Variants in DNLZ observed in about 807,000 individuals in gnomAD.
DNLZ encodes the protein DNL-type zinc finger, also known as DNL-type zinc finger protein.
A neutral mutation model predicts 7.8 loss-of-function variants in DNLZ; 15 were observed. That is an observed-to-expected ratio of 1.91 (90% CI 1.28 to 2.95). The LOEUF is 2.95. DNLZ is among the 30% of genes most tolerant of loss of function. The pLI is 0.00. For missense variants in DNLZ, 255 were observed against 167.3 expected, an observed-to-expected ratio of 1.52 and a Z score of -2.89; for synonymous variants, 123 against 77.8, an observed-to-expected ratio of 1.58 and a Z score of -3.05.
chr9:136,362,873 G>A (rs1027002214), intron 2 of DNLZ, 116 bp downstream of exon 2: 12 of 893,656 alleles, frequency 1.3e-5, no homozygotes, highest in Middle Eastern at 2.2e-4. Context: ...TATTGATAAG[G>A]TGGCTGGATT....
chr9:136,362,845 A>C (rs1377350168), intron 2 of DNLZ, 144 bp downstream of exon 2: 11 of 690,118 alleles, frequency 1.6e-5, no homozygotes, highest in Non-Finnish European at 2.7e-5. Flanking sequence ...GGAAATTCTC[A>C]TTTAACTGTG....
rs900428375 is a variant in DNLZ at position 136,359,624 on chromosome 9, C to T, written c.*2388G>A. The T allele has an allele frequency of 4.6e-5, 7 of 152,320 alleles. No individual in the cohort carries two copies. Among genetic ancestry groups the T allele is most frequent in the Non-Finnish European group, 5.9e-5 (4 of 68,034 alleles). The allele number at this position is 152,320 out of a possible 1,614,324, so 9.4% of individuals were successfully genotyped here. On this transcript the variant is annotated 3_prime_UTR_variant, in exon 3 of 3. Coordinates refer to ENST00000371738, the MANE Select transcript of DNLZ (RefSeq NM_001080849.3). Reference sequence around the variant, plus strand: ...GAGTGTGGTCCGTATGGGCTTAGTCCCGGGTGGGGGCCTAACCCGGTAAGA... The same window carrying T: ...GAGTGTGGTCCGTATGGGCTTAGTCTCGGGTGGGGGCCTAACCCGGTAAGA...
chr9:136,360,992 GAC>G lies in DNLZ; in HGVS notation c.*1018_*1019del, dbSNP rs1354653905. ...GTGCCGGTGGCTCAGCCGAGAAGAG[GAC>G]AGTTTCCACAAATGGCACAGAAGGC... is the stretch of plus-strand genomic sequence containing the variant. On this transcript the variant is annotated 3_prime_UTR_variant, in exon 3 of 3. Coordinates refer to ENST00000371738, the MANE Select transcript of DNLZ (RefSeq NM_001080849.3). The G allele has an allele frequency of 3.9e-5, 6 of 152,252 alleles. No individual in the cohort carries two copies. The highest frequency in any genetic ancestry group is 1.4e-4 in the African/African-American group (6 of 41,444). 9.4% of individuals were successfully genotyped at this position (152,252 alleles called of 1,614,324 possible).
rs1230516629 is a variant in DNLZ, at chr9:136,361,401, G to C, written c.*611C>G. The C allele has an allele frequency of 1.3e-5, 2 of 152,332 alleles. No individual in the cohort carries two copies. Among genetic ancestry groups the C allele is most frequent in the Admixed American group, 1.3e-4 (2 of 15,288 alleles). 9.4% of individuals were successfully genotyped at this position (152,332 alleles called of 1,614,324 possible). A position where few individuals can be genotyped will look rare whatever the true frequency, so the allele number is the denominator to read the frequency against. On this transcript the variant is annotated 3_prime_UTR_variant, in exon 3 of 3. Coordinates refer to ENST00000371738, the MANE Select transcript of DNLZ (RefSeq NM_001080849.3). ...AACCCCACACACCTCGGAGGGCCCTGGGGACGTCCAGAGCGCTGTCCACCG... is the reference window on the plus strand; with the variant it reads ...AACCCCACACACCTCGGAGGGCCCTCGGGACGTCCAGAGCGCTGTCCACCG...
At chr9:136,363,387 A>G in intron 1 of DNLZ, 100 bp downstream of exon 1, 1 of 748,104 alleles carries the variant, frequency 1.3e-6, no homozygotes. Flanking sequence ...CTGTGACTTG[A>G]CCACGCCGCC....
chr9:136,362,078 G>A lies in DNLZ; in HGVS notation c.471C>T (p.Ser157=), dbSNP rs1832989532. Residue 157 remains serine (S), a synonymous_variant, in exon 3 of 3, where the codon TCC becomes TCT. Coordinates refer to ENST00000371738, the MANE Select transcript of DNLZ (RefSeq NM_001080849.3). ...CCTCACCCGCTTCCGGAGCTGCAGT[G>A]GATGTGGGGGCCCCTGCAGCCTCCA... is the stretch of plus-strand genomic sequence containing the variant. ...LVLEAAGAPT[S]TAAPEAGEDE... 5 of 1,452,840 alleles carry A rather than the reference G, an allele frequency of 3.4e-6. No individual in the cohort carries two copies. In the East Asian group the frequency reaches 8.2e-5, roughly 24 times the overall value. 90.0% of individuals were successfully genotyped at this position (1,452,840 alleles called of 1,614,324 possible). A position where few individuals can be genotyped will look rare whatever the true frequency, so the allele number is the denominator to read the frequency against.
At chr9:136,363,249 G>A (rs1480129290) in intron 1 of DNLZ, 121 bp from the exon 2 acceptor site, 4 of 1,203,004 alleles carry the variant, frequency 3.3e-6, no homozygotes, top group Admixed American at 2.1e-5. Flanking sequence ...CCGCCCCCGA[G>A]GGATAGCTCC....
chr9:136,362,178 T>C lies in DNLZ; in HGVS notation c.371A>G (p.Asn124Ser). ...TCTGGCCGTCAGGATCTCTTCGATA[T>C]TTCTGGGGGGCAGGGAGGCAACATG... Reference protein sequence around the residue: ...GWFSDLNGKRNIEEILTARGE... With the variant: ...GWFSDLNGKRSIEEILTARGE... Residue 124 changes from asparagine to serine, a missense_variant and splice_region_variant, in exon 3 of 3, where the codon AAT (asparagine) becomes AGT (serine). Coordinates refer to ENST00000371738, the MANE Select transcript of DNLZ (RefSeq NM_001080849.3). 2 of 1,486,536 alleles carry C rather than the reference T, an allele frequency of 1.3e-6. No homozygotes were observed. The highest frequency in any genetic ancestry group is 1.5e-5 in the African/African-American group (1 of 67,974). 92.1% of individuals were successfully genotyped at this position (1,486,536 alleles called of 1,614,324 possible). A position where few individuals can be genotyped will look rare whatever the true frequency, so the allele number is the denominator to read the frequency against.
At chr9:136,362,427 T>C (rs1832997283) in intron 2 of DNLZ, among the ~76,000 whole-genome samples, 1 of 152,164 alleles carries the variant, frequency 6.6e-6, no homozygotes, top group Non-Finnish European at 1.5e-5. Flanking sequence ...GAGGGAAGAA[T>C]CTGCAGCCCC....
At position 136,361,711 on chromosome 9, in the gene DNLZ, C is replaced by T. The variant is rs557997005; in HGVS notation, c.*301G>A. On this transcript the variant is annotated 3_prime_UTR_variant, in exon 3 of 3. Transcript: ENST00000371738. ...CAGCGACAGCCAGGAAGGGCTCTGACGCCACATCCAGCCCCCTTTCCACGC... is the reference window on the plus strand; with the variant it reads ...CAGCGACAGCCAGGAAGGGCTCTGATGCCACATCCAGCCCCCTTTCCACGC... 2.6e-5 allele frequency: 8 copies of T among 313,138 alleles called. No individual in the cohort carries two copies. In the South Asian group the frequency reaches 1.1e-3, roughly 44 times the overall value. The allele number at this position is 313,138 out of a possible 1,614,324, so 19.4% of individuals were successfully genotyped here. A position where few individuals can be genotyped will look rare whatever the true frequency, so the allele number is the denominator to read the frequency against.
chr9:136,362,016 C>G lies in DNLZ; in HGVS notation c.533G>C (p.Ser178Thr), dbSNP rs3812552. ...GPPSPGKTEP[S>T] ...CAGTGCCGGGGAGCGCAGGAGTCAGCTCGGCTCCGTCTTGCCAGGGCTGGG... is the reference window on the plus strand; with the variant it reads ...CAGTGCCGGGGAGCGCAGGAGTCAGGTCGGCTCCGTCTTGCCAGGGCTGGG... Residue 178 changes from serine to threonine, a missense_variant, in exon 3 of 3, where the codon AGC becomes ACC. Physicochemically the swap from Ser to Thr is moderately conservative, Grantham distance 58. Coordinates refer to ENST00000371738, the MANE Select transcript of DNLZ (RefSeq NM_001080849.3). 0.1 allele frequency: 135,707 copies of G among 1,313,490 alleles called. 7,493 individuals are homozygous for G. The highest frequency in any genetic ancestry group is 0.12 in the East Asian group (4,109 of 33,998). The allele number at this position is 1,313,490 out of a possible 1,614,324, so 81.4% of individuals were successfully genotyped here. A position where few individuals can be genotyped will look rare whatever the true frequency, so the allele number is the denominator to read the frequency against.
chr9:136,360,445 G>A lies in DNLZ; in HGVS notation c.*1567C>T, dbSNP rs10870149. Reference sequence around the variant, plus strand: ...ACGAGGGATGCCCAGGCCAGCAACCGTGCCCGGGAGGCAGGGATGTCCTGG... The same window carrying A: ...ACGAGGGATGCCCAGGCCAGCAACCATGCCCGGGAGGCAGGGATGTCCTGG... On this transcript the variant is annotated 3_prime_UTR_variant, in exon 3 of 3. Coordinates refer to ENST00000371738, the MANE Select transcript of DNLZ (RefSeq NM_001080849.3). The A allele has an allele frequency of 0.46, 69,766 of 152,004 alleles. 16,298 individuals are homozygous for A. The highest frequency in any genetic ancestry group is 0.54 in the Admixed American group (8,317 of 15,276). 9.4% of individuals were successfully genotyped at this position (152,004 alleles called of 1,614,324 possible).
Position 136,359,784 on chromosome 9 carries a change from ACT to A in DNLZ, c.*2226_*2227del, listed in dbSNP as rs1832948916. On this transcript the variant is annotated 3_prime_UTR_variant, in exon 3 of 3. Coordinates refer to ENST00000371738, the MANE Select transcript of DNLZ (RefSeq NM_001080849.3). ...GGTGAAGTGGCTGCCTGCTGTCACC[ACT>A]GATTCCTGCACCCCTACCTCCTCAC... The A allele has an allele frequency of 6.6e-6, 1 of 152,234 alleles. No homozygotes were observed. The highest frequency in any genetic ancestry group is 1.5e-5 in the Non-Finnish European group (1 of 68,102). 9.4% of individuals were successfully genotyped at this position (152,234 alleles called of 1,614,324 possible).
chr9:136,363,092 G>C lies in DNLZ; in HGVS notation c.265C>G (p.Leu89Val), dbSNP rs1345684497. The C allele has an allele frequency of 1.2e-6, 2 of 1,613,640 alleles. No homozygotes were observed. The highest frequency in any genetic ancestry group is 1.7e-5 in the Admixed American group (1 of 60,024). ...GTRSSKRISK[L>V]AYHQGVVIVT... is the part of the protein sequence containing the mutation. ...ATGACCACGCCTTGGTGATAGGCCA[G>C]CTTGGAGATGCGCTTGGAGGACCTA... The change falls in exon 2 of 3, where the codon CTG (leucine) becomes GTG (valine). Residue 89 changes from leucine to valine, a missense_variant. Coordinates refer to ENST00000371738, the MANE Select transcript of DNLZ (RefSeq NM_001080849.3).
At chr9:136,363,413 G>A (rs1833021771) in intron 1 of DNLZ, 74 bp downstream of exon 1, 3 of 758,332 alleles carry the variant, frequency 4.0e-6, no homozygotes, top group East Asian at 4.9e-5. Flanking sequence ...GATCCCCGGC[G>A]GGCCGCTTCT....
rs1466391858 is a variant in DNLZ at position 136,361,217 on chromosome 9, C to A, written c.*795G>T. ...CCTGTCGTGCTCAGTCCTGCCTCCA[C>A]CTCCCACCTCGCCCCATTCTCTTCC... On this transcript the variant is annotated 3_prime_UTR_variant, in exon 3 of 3. Coordinates refer to ENST00000371738, the MANE Select transcript of DNLZ (RefSeq NM_001080849.3). 6.6e-6 allele frequency: 1 copy of A among 152,312 alleles called. No individual in the cohort carries two copies. Among genetic ancestry groups the A allele is most frequent in the African/African-American group, 2.4e-5 (1 of 41,466 alleles). The allele number at this position is 152,312 out of a possible 1,614,324, so 9.4% of individuals were successfully genotyped here. A position where few individuals can be genotyped will look rare whatever the true frequency, so the allele number is the denominator to read the frequency against.
intron 1 of DNLZ, 92 bp downstream of exon 1, chr9:136,363,395 G>A (rs1446973711): frequency 1.3e-6 from 1 of 753,260 alleles, no homozygotes; most frequent in Non-Finnish European, 2.4e-6. Context: ...TGACCACGCC[G>A]CCTCCCGGAT....
At chr9:136,363,341 C>A (rs942589021) in intron 1 of DNLZ, 146 bp downstream of exon 1, 1 of 696,598 alleles carries the variant, frequency 1.4e-6, no homozygotes, top group Non-Finnish European at 2.6e-6. Flanking sequence ...GCCTCCGCTC[C>A]CTCCCAGAAG....
In DNLZ at chr9:136,363,043, T is replaced by C; in HGVS notation, c.314A>G (p.Asn105Ser). Residue 105 changes from asparagine (N) to serine (S), a missense_variant, in exon 2 of 3, where the codon AAC becomes AGC. Physicochemically the swap from Asn to Ser is conservative, Grantham distance 46. Coordinates refer to ENST00000371738, the MANE Select transcript of DNLZ (RefSeq NM_001080849.3). ...CAGGTTGTCAGCGATGATATGGTGG[T>C]TCTGGCAGCCGGGGCAGGTCACAAT... ...VVIVTCPGCQNHHIIADNLGW... is the reference protein window; with the variant it reads ...VVIVTCPGCQSHHIIADNLGW... 6.2e-7 allele frequency: 1 copy of C among 1,613,798 alleles called. No individual in the cohort carries two copies. The highest frequency in any genetic ancestry group is 8.5e-7 in the Non-Finnish European group (1 of 1,179,984).
Sources: gnomAD v4.1 joint callset for allele counts (sites outside exome capture counted in the v4.1 genomes callset) on GRCh38, gnomAD v4.1.1 for gene constraint, MANE v1.5 for transcripts, NCBI Gene and HGNC (gene_info 2026-07-23, HGNC 2026-07-21) for gene names.